The following RSU1 variants were observed in gnomAD, a reference collection of about 807,000 sequenced individuals.
RSU1 encodes the protein Ras suppressor protein 1.
RSU1 carries 26 observed loss-of-function variants against 31.1 expected under a neutral mutation model. That is an observed-to-expected ratio of 0.84 (90% CI 0.61 to 1.16). The LOEUF (loss-of-function observed/expected upper bound fraction) is 1.16. Among genes scored for constraint, RSU1 ranks in the 50% most tolerant of loss-of-function variants. RSU1 has a pLI of 0.00. For missense variants in RSU1, 320 were observed against 339.1 expected (o/e 0.94, Z 0.44); for synonymous variants, 164 against 136.3 (o/e 1.20, Z -1.41).
chr10:16,741,465 T>G (rs1459362089), intron 7 of RSU1, among the ~76,000 whole-genome samples: 1 of 152,192 alleles, frequency 6.6e-6, no homozygotes, highest in Admixed American at 6.6e-5. Flanking sequence ...TGTACAACTC[T>G]GAACATACTA....
intron 8 of RSU1, among the ~76,000 whole-genome samples, chr10:16,613,304 T>C (rs1379878749): frequency 6.6e-6 from 1 of 152,234 alleles, no homozygotes; most frequent in African/African-American, 2.4e-5. Context: ...TTCCTGCTCC[T>C]GGAATTGCTT....
At chr10:16,744,770 T>C (rs1036163702) in intron 7 of RSU1, among the ~76,000 whole-genome samples, 5 of 152,186 alleles carry the variant, frequency 3.3e-5, no homozygotes, top group African/African-American at 9.7e-5. Context: ...CTTGTAATTA[T>C]AAAATTCTTA....
intron 8 of RSU1, 47 bp from the exon 9 acceptor site, chr10:16,593,543 A>AAGAT (rs777827972): frequency 2.1e-5 from 30 of 1,435,888 alleles, no homozygotes; most frequent in Non-Finnish European, 2.7e-5. Context: ...TTGCCAACAC[A>AAGAT]AGATAGCTTT....
intron 7 of RSU1, among the ~76,000 whole-genome samples, chr10:16,722,228 CAG>C (rs1588493112): frequency 6.6e-6 from 1 of 152,156 alleles, no homozygotes; most frequent in Non-Finnish European, 1.5e-5. Context: ...ATCAGAAAAA[CAG>C]AGTACTGTTT....
chr10:16,799,596 G>A (rs982789014), intron 2 of RSU1, among the ~76,000 whole-genome samples: 2 of 151,744 alleles, frequency 1.3e-5, no homozygotes, highest in African/African-American at 2.4e-5. Flanking sequence ...TTACCTCTAA[G>A]AGCCCTACCA....
intron 2 of RSU1, among the ~76,000 whole-genome samples, chr10:16,784,241 T>C (rs191341033): frequency 5.3e-5 from 8 of 152,210 alleles, no homozygotes; most frequent in African/African-American, 1.7e-4. Context: ...AGCACCATTC[T>C]TGCTTGATTT....
At chr10:16,644,404 C>A (rs530260033) in intron 8 of RSU1, among the ~76,000 whole-genome samples, 3 of 152,208 alleles carry the variant, frequency 2.0e-5, no homozygotes, top group Admixed American at 2.0e-4. Context: ...TTACACATTA[C>A]GTGAGTGGCA....
chr10:16,775,562 A>G (rs1443487619), intron 3 of RSU1, among the ~76,000 whole-genome samples: 3 of 152,146 alleles, frequency 2.0e-5, no homozygotes, highest in Admixed American at 6.5e-5. Context: ...GACAGATTAG[A>G]TGCCACCGGC....
chr10:16,728,642 G>C (rs1043831014), intron 7 of RSU1, among the ~76,000 whole-genome samples: 4 of 152,212 alleles, frequency 2.6e-5, no homozygotes, highest in African/African-American at 9.7e-5. Flanking sequence ...CAGCTCATGA[G>C]GCAAAAGGGA....
chr10:16,640,704 A>G (rs1454754437), intron 8 of RSU1, among the ~76,000 whole-genome samples: 1 of 152,170 alleles, frequency 6.6e-6, no homozygotes, highest in Non-Finnish European at 1.5e-5. Context: ...CCCGGATGGT[A>G]CCTGCCTTCT....
At position 16,694,809 on chromosome 10, in the gene RSU1, T is replaced by C. The variant is rs142591980; in HGVS notation, c.731+214A>G. 4.6e-5 allele frequency among the ~76,000 whole-genome samples: 7 copies of C among 152,180 alleles called. No homozygotes were observed. The East Asian group carries it at 1.4e-3, about 29-fold the overall frequency. On this transcript the variant is annotated intron_variant, in intron 8 of 8. Coordinates refer to ENST00000345264, the MANE Select transcript of RSU1 (RefSeq NM_012425.4). ...CCAGGCTGGTCTCAAACTCCTGGGC[T>C]CAAGCAATCCTCTAGTCTCGACTTC...
chr10:16,748,213 A>G (rs1210616676), intron 7 of RSU1: 4 of 152,330 alleles, frequency 2.6e-5, no homozygotes, highest in Admixed American at 2.0e-4. Context: ...TTATGGAGCT[A>G]AAATTGAGGT....
chr10:16,809,604 T>C (rs560473086), intron 2 of RSU1, among the ~76,000 whole-genome samples: 14 of 152,250 alleles, frequency 9.2e-5, no homozygotes, highest in African/African-American at 2.6e-4. Flanking sequence ...AATAAAAAAA[T>C]TAACCCACCT....
At chr10:16,731,688 A>G (rs1402194286) in intron 7 of RSU1, among the ~76,000 whole-genome samples, 1 of 152,206 alleles carries the variant, frequency 6.6e-6, no homozygotes, top group African/African-American at 2.4e-5. Flanking sequence ...AATCTTCGTT[A>G]ATCGATATTC....
chr10:16,735,688 C>T (rs1474932323), intron 7 of RSU1, among the ~76,000 whole-genome samples: 2 of 152,104 alleles, frequency 1.3e-5, no homozygotes, highest in Non-Finnish European at 2.9e-5. Context: ...ACATGTCCTT[C>T]TTCACGTAGC....
chr10:16,811,444 C>G (rs12355660), intron 2 of RSU1, among the ~76,000 whole-genome samples: 3,967 of 152,186 alleles, frequency 0.026, 60 homozygotes, highest in Non-Finnish European at 0.038. Flanking sequence ...ATGAGGTGCT[C>G]TTATTATTCC....
chr10:16,698,994 T>C (rs1028472854), intron 7 of RSU1, among the ~76,000 whole-genome samples: 14 of 151,912 alleles, frequency 9.2e-5, no homozygotes, highest in African/African-American at 2.4e-4. Context: ...AAGAGCCTAA[T>C]AGAAAAGAAT....
At chr10:16,675,230 A>T (rs1391344039) in intron 8 of RSU1, among the ~76,000 whole-genome samples, 1 of 151,832 alleles carries the variant, frequency 6.6e-6, no homozygotes, top group Admixed American at 6.6e-5. Context: ...AAGAAAAAAA[A>T]GTGTAAAGCT....
At chr10:16,733,293 C>A (rs149298092) in intron 7 of RSU1, among the ~76,000 whole-genome samples, 2 of 143,930 alleles carry the variant, frequency 1.4e-5, no homozygotes, top group Admixed American at 7.2e-5. Context: ...GAGTTCAATA[C>A]CAGTCTGGCC....
Sources: gnomAD v4.1 joint callset for allele counts (sites outside exome capture counted in the v4.1 genomes callset) on GRCh38, gnomAD v4.1.1 for gene constraint, MANE v1.5 for transcripts, NCBI Gene and HGNC (gene_info 2026-07-23, HGNC 2026-07-21) for gene names.